Variants in GALNT15 observed in about 807,000 individuals in gnomAD.
GALNT15 encodes the protein polypeptide N-acetylgalactosaminyltransferase 15.
GALNT15 carries 67 observed loss-of-function variants against 66.8 expected under a neutral mutation model. The observed-to-expected ratio is 1.00, with a 90% CI of 0.82 to 1.23. The LOEUF is 1.23. Ranked by LOEUF, GALNT15 falls within the 50% of genes most tolerant of loss-of-function variation. The probability of loss-of-function intolerance (pLI) is 0.00; values close to 1 mark genes in which losing one functional copy is unlikely to be tolerated. For synonymous variants in GALNT15, 313 were observed against 311.5 expected (o/e 1.00, Z -0.05); for missense variants, 827 against 804.3 (o/e 1.03, Z -0.34).
rs940632953 is a variant in GALNT15, at chr3:16,211,847, G to T, written c.1197+606G>T. Among the ~76,000 whole-genome samples the T allele has an allele frequency of 7.2e-5, 11 of 152,320 alleles. No homozygotes were observed. Among genetic ancestry groups the T allele is most frequent in the Non-Finnish European group, 1.3e-4 (9 of 68,038 alleles). On this transcript the variant is annotated intron_variant, in intron 5 of 9. Transcript: ENST00000339732. This position sits in a 1 kb window ranked among gnomAD's most constrained non-coding sequence, Gnocchi z 4.3. ...GTGAATTACCTGACGCTTGTATTCT[G>T]CATGAAGTCCAACAGATGTCACCGT...
chr3:16,195,850 T>C lies in GALNT15; in HGVS notation c.630T>C (p.Thr210=), dbSNP rs1482642142. 1.9e-6 allele frequency: 3 copies of C among 1,614,134 alleles called. No homozygotes were observed. Among genetic ancestry groups the C allele is most frequent in the Non-Finnish European group, 2.5e-6 (3 of 1,179,992 alleles). Residue 210 remains threonine, a synonymous_variant, in exon 2 of 10, where the codon ACT becomes ACC. Transcript: ENST00000339732. The surrounding 1 kb of genome is among the most constrained non-coding windows in gnomAD (Gnocchi z 4.6). The part of the protein sequence containing the change: ...HDEAWSTLLR[T]VHSILDTVPR... ...AGGCCTGGTCCACTCTCCTGCGGAC[T>C]GTACACAGCATCCTCGACACAGTGC...
At position 16,176,857 on chromosome 3, in the gene GALNT15, C is replaced by T. The variant is rs575188740; in HGVS notation, c.539+1167C>T. The stretch of plus-strand genomic sequence containing the variant: ...GCCTGGCTGCTCAGCCACTCACACT[C>T]GAGGGTGTGCAATTGCAGGGTCAGC... On this transcript the variant is annotated intron_variant, in intron 1 of 9. Transcript: ENST00000339732. The surrounding 1 kb of genome is among the most constrained non-coding windows in gnomAD (Gnocchi z 5.6). Among the ~76,000 whole-genome samples, 35 of 152,310 alleles carry T rather than the reference C, an allele frequency of 2.3e-4. No homozygotes were observed. Among genetic ancestry groups the T allele is most frequent in the African/African-American group, 2.9e-4 (12 of 41,556 alleles).
In GALNT15 at chr3:16,186,610, G is replaced by T. The variant is rs1281056425; in HGVS notation, c.540-9150G>T. On this transcript the variant is annotated intron_variant, in intron 1 of 9. Coordinates refer to ENST00000339732, the MANE Select transcript of GALNT15 (RefSeq NM_054110.5). This position sits in a 1 kb window ranked among gnomAD's most constrained non-coding sequence, Gnocchi z 5.1. ...ACAATGAAATATTAGGCAGTAAAAA[G>T]AAATGAAGTACTGATATAGACTACA... is the stretch of plus-strand genomic sequence containing the variant. Among the ~76,000 whole-genome samples, 1 of 152,174 alleles carries T rather than the reference G, an allele frequency of 6.6e-6. No individual in the cohort carries two copies. The highest frequency in any genetic ancestry group is 6.5e-5 in the Admixed American group (1 of 15,288).
chr3:16,213,377 G>A (rs1322118464), intron 6 of GALNT15, among the ~76,000 whole-genome samples: 1 of 148,218 alleles, frequency 6.7e-6, no homozygotes, highest in Non-Finnish European at 1.5e-5. Flanking sequence ...ATGGCATGAA[G>A]CTGGGAGGTG....
At chr3:16,194,778 A>G (rs533674865) in intron 1 of GALNT15, among the ~76,000 whole-genome samples, 2 of 152,332 alleles carry the variant, frequency 1.3e-5, no homozygotes, top group South Asian at 4.1e-4. Context: ...GGAGCTGAAC[A>G]GTGAGAACAC....
downstream of GALNT15, among the ~76,000 whole-genome samples, chr3:16,236,840 C>T (rs1308262140): frequency 2.6e-5 from 4 of 152,154 alleles, no homozygotes; most frequent in Admixed American, 2.0e-4. Flanking sequence ...TCACTGTTAA[C>T]AGAGGTTGAG....
At chr3:16,190,494 C>T (rs972881535) in intron 1 of GALNT15, among the ~76,000 whole-genome samples, 3 of 152,132 alleles carry the variant, frequency 2.0e-5, no homozygotes, top group South Asian at 2.1e-4. Context: ...AAAAATTAGC[C>T]GGGCGTGGTG....
chr3:16,184,551 C>T lies in GALNT15; in HGVS notation c.539+8861C>T, dbSNP rs896127705. 2.0e-5 allele frequency among the ~76,000 whole-genome samples: 3 copies of T among 152,176 alleles called. No homozygotes were observed. Among genetic ancestry groups the T allele is most frequent in the African/African-American group, 4.8e-5 (2 of 41,446 alleles). The stretch of plus-strand genomic sequence containing the variant: ...CCTTCAGGTCTTGGCTTTGATTTCA[C>T]GTCCCTACATCCAGAACGTCTCACT... On this transcript the variant is annotated intron_variant, in intron 1 of 9. Coordinates refer to ENST00000339732, the MANE Select transcript of GALNT15 (RefSeq NM_054110.5). The surrounding 1 kb of genome is among the most constrained non-coding windows in gnomAD (Gnocchi z 5.0).
chr3:16,239,409 T>G, the GALNT15 span, among the ~76,000 whole-genome samples: 1 of 152,182 alleles, frequency 6.6e-6, no homozygotes, highest in Admixed American at 6.5e-5. This position sits in a 1 kb window ranked among gnomAD's most constrained non-coding sequence, Gnocchi z 5.2. Flanking sequence ...GCTTCTTTTT[T>G]TAATGTCATG....
rs1491187404 is a variant in GALNT15, at chr3:16,203,543, T to TCTCTCTCACA, written c.911+2721_911+2722insTCTCTCACAC. 1.1e-4 allele frequency among the ~76,000 whole-genome samples: 7 copies of TCTCTCTCACA among 61,102 alleles called. No homozygotes were observed. The highest frequency in any genetic ancestry group is 3.8e-4 in the African/African-American group (7 of 18,250). The allele number at this position is 61,102 out of a possible 152,430, so 40.1% of individuals were successfully genotyped here. On this transcript the variant is annotated intron_variant, in intron 3 of 9. Transcript: ENST00000339732. This position sits in a 1 kb window ranked among gnomAD's most constrained non-coding sequence, Gnocchi z 6.2. ...CATTCTCTCTCTCTCTCTCTCTCTC[T>TCTCTCTCACA]CACACACACACACACACACACACAC... is the stretch of plus-strand genomic sequence containing the variant.
chr3:16,204,528 CAA>C lies in GALNT15; in HGVS notation c.911+3706_911+3707del, dbSNP rs2063737557. Among the ~76,000 whole-genome samples the C allele has an allele frequency of 6.6e-6, 1 of 152,062 alleles. No individual in the cohort carries two copies. Among genetic ancestry groups the C allele is most frequent in the South Asian group, 2.1e-4 (1 of 4,836 alleles). Reference sequence around the variant, plus strand: ...GATGGCCAGTTTCTACACAAAGTAACAATGATGGGAATCAAGACTAGCTGTTG... The same window carrying C: ...GATGGCCAGTTTCTACACAAAGTAACTGATGGGAATCAAGACTAGCTGTTG... On this transcript the variant is annotated intron_variant, in intron 3 of 9. Transcript: ENST00000339732. The surrounding 1 kb of genome is among the most constrained non-coding windows in gnomAD (Gnocchi z 4.5).
rs7635693 is a variant in GALNT15, at chr3:16,200,250, C to A, written c.707-369C>A. Among the ~76,000 whole-genome samples, 86,483 of 151,924 alleles carry A rather than the reference C, an allele frequency of 0.57. 24,905 individuals carry two copies. The highest frequency in any genetic ancestry group is 0.6 in the Non-Finnish European group (40,686 of 67,902). On this transcript the variant is annotated intron_variant, in intron 2 of 9. Coordinates refer to ENST00000339732, the MANE Select transcript of GALNT15 (RefSeq NM_054110.5). The surrounding 1 kb of genome is among the most constrained non-coding windows in gnomAD (Gnocchi z 4.4). ...CACCTCCCACCAGGTCCCTCCCTCG[C>A]CACATAGGGATTATGGGGATTACCA...
At chr3:16,217,429 T>TA (rs2063891215) in intron 6 of GALNT15, among the ~76,000 whole-genome samples, 1 of 152,232 alleles carries the variant, frequency 6.6e-6, no homozygotes, top group Non-Finnish European at 1.5e-5. Flanking sequence ...TCCTATCACT[T>TA]ACTTTGATTT....
At chr3:16,210,857 G>A (rs2063805389) in intron 4 of GALNT15, among the ~76,000 whole-genome samples, 1 of 152,222 alleles carries the variant, frequency 6.6e-6, no homozygotes, top group Admixed American at 6.5e-5. Context: ...GGAGTCTCAG[G>A]TGTGGTCCCT....
chr3:16,205,300 C>A (rs545849422), intron 3 of GALNT15, among the ~76,000 whole-genome samples: 1 of 152,290 alleles, frequency 6.6e-6, no homozygotes, highest in South Asian at 2.1e-4. Context: ...CGAGAATTAA[C>A]AAGGAATGAG....
the GALNT15 span, among the ~76,000 whole-genome samples, chr3:16,240,969 A>C: frequency 1.3e-5 from 2 of 152,070 alleles, no homozygotes; most frequent in African/African-American, 2.4e-5. Flanking sequence ...TCTCTGCTCT[A>C]ACCATGCTCT....
At chr3:16,239,139 G>A in the GALNT15 span, among the ~76,000 whole-genome samples, 4 of 152,154 alleles carry the variant, frequency 2.6e-5, no homozygotes, top group African/African-American at 9.7e-5. This position sits in a 1 kb window ranked among gnomAD's most constrained non-coding sequence, Gnocchi z 5.2. Flanking sequence ...CATTAATAAT[G>A]TCTTTCTCTT....
rs987531629 is a variant in GALNT15 at position 16,227,797 on chromosome 3, C to A, written c.*297C>A. 3 of 1,142,830 alleles carry A rather than the reference C, an allele frequency of 2.6e-6. No homozygotes were observed. The highest frequency in any genetic ancestry group is 3.2e-6 in the Non-Finnish European group (3 of 929,906). The allele number at this position is 1,142,830 out of a possible 1,614,324, so 70.8% of individuals were successfully genotyped here. On this transcript the variant is annotated 3_prime_UTR_variant, in exon 10 of 10. Coordinates refer to ENST00000339732, the MANE Select transcript of GALNT15 (RefSeq NM_054110.5). The surrounding 1 kb of genome is among the most constrained non-coding windows in gnomAD (Gnocchi z 4.5). ...TTGTTTTTCTCCACTGAGCACTTAA[C>A]AATTGCTTTCTCTCTGGCCTGGACA...
rs1270900957 is a variant in GALNT15 at position 16,211,178 on chromosome 3, C to A, written c.1134C>A (p.Asn378Lys). ...CCATGGACAGACATTACTTCCAAAA[C>A]ACTGGAGCGTATGACTCTCTTATGT... The part of the protein sequence containing the change: ...VVAMDRHYFQ[N>K]TGAYDSLMSL... The change falls in exon 5 of 10, where the codon AAC (asparagine) becomes AAA (lysine). Residue 378 changes from asparagine (N) to lysine (K), a missense_variant. Coordinates refer to ENST00000339732, the MANE Select transcript of GALNT15 (RefSeq NM_054110.5). This position sits in a 1 kb window ranked among gnomAD's most constrained non-coding sequence, Gnocchi z 4.3. 1 of 1,614,084 alleles carries A rather than the reference C, an allele frequency of 6.2e-7. No individual in the cohort carries two copies. Among genetic ancestry groups the A allele is most frequent in the East Asian group, 2.2e-5 (1 of 44,878 alleles).
Sources: allele counts gnomAD v4.1 joint callset (sites outside exome capture counted in the v4.1 genomes callset), GRCh38; gene constraint gnomAD v4.1.1; non-coding constraint Gnocchi (gnomAD v3.1); transcripts MANE v1.5; gene names NCBI Gene and HGNC (gene_info 2026-07-23, HGNC 2026-07-21).